Variants in PXDNL observed in about 807,000 individuals in gnomAD.
PXDNL encodes peroxidasin like, also known as probable oxidoreductase PXDNL.
In PXDNL, 145 loss-of-function variants were observed where a neutral mutation model predicts 150.8. The ratio of observed to expected loss-of-function variants is 0.96; its 90% CI spans 0.84 to 1.10. PXDNL has a LOEUF of 1.10. Ranked by LOEUF, PXDNL falls within the 50% of genes least tolerant of loss-of-function variation. The pLI, the probability that PXDNL is intolerant of heterozygous loss-of-function variation, is 0.00. For missense variants in PXDNL, 2,087 were observed against 1,873.9 expected, an observed-to-expected ratio of 1.11 and a Z score of -2.10; for synonymous variants, 757 against 725.7, an observed-to-expected ratio of 1.04 and a Z score of -0.69.
chr8:51,529,453 G>A (rs1811842317), intron 4 of PXDNL, among the ~76,000 whole-genome samples: 1 of 152,136 alleles, frequency 6.6e-6, no homozygotes, highest in East Asian at 1.9e-4. Flanking sequence ...TGCTTGTTGG[G>A]CTCTGGGAAG....
intron 1 of PXDNL, among the ~76,000 whole-genome samples, chr8:51,695,971 G>A (rs935567812): frequency 2.6e-5 from 4 of 152,168 alleles, no homozygotes; most frequent in Non-Finnish European, 4.4e-5. Flanking sequence ...ACATTTAGAG[G>A]TGAATAAAAT....
chr8:51,473,274 AACACACACACACACACACAC>A (rs1164131411), intron 7 of PXDNL, among the ~76,000 whole-genome samples: 1 of 133,940 alleles, frequency 7.5e-6, no homozygotes, highest in Non-Finnish European at 1.6e-5. Context: ...GTAGAAAATA[AACACACACACACACACACAC>A]ACACACACAC....
intron 4 of PXDNL, among the ~76,000 whole-genome samples, chr8:51,556,355 G>A (rs1812600223): frequency 6.6e-6 from 1 of 152,104 alleles, no homozygotes; most frequent in African/African-American, 2.4e-5. Flanking sequence ...TTTATTATCT[G>A]TAAAATGAGA....
intron 11 of PXDNL, among the ~76,000 whole-genome samples, 186 bp downstream of exon 11, chr8:51,448,816 C>T (rs1316756160): frequency 6.6e-6 from 1 of 152,132 alleles, no homozygotes; most frequent in African/African-American, 2.4e-5. Context: ...GCCACACACT[C>T]AAATGCCAAA....
intron 2 of PXDNL, among the ~76,000 whole-genome samples, chr8:51,613,209 A>AAT (rs551266682): frequency 9.2e-5 from 14 of 151,774 alleles, no homozygotes; most frequent in Admixed American, 7.9e-4. Flanking sequence ...CACCAAAAAA[A>AAT]ATATATATAT....
intron 17 of PXDNL, among the ~76,000 whole-genome samples, chr8:51,375,060 G>C (rs1210992884): frequency 1.3e-5 from 2 of 152,120 alleles, no homozygotes; most frequent in African/African-American, 2.4e-5. Flanking sequence ...TGTGTGTTAT[G>C]TCATGTATAA....
At chr8:51,340,681 A>G (rs2130682325) in intron 20 of PXDNL, among the ~76,000 whole-genome samples, 1 of 152,344 alleles carries the variant, frequency 6.6e-6, no homozygotes, top group African/African-American at 2.4e-5. Context: ...AATTTAAAAA[A>G]GGGAAACAAA....
At chr8:51,616,786 T>C (rs895120302) in intron 2 of PXDNL, among the ~76,000 whole-genome samples, 1 of 152,184 alleles carries the variant, frequency 6.6e-6, no homozygotes, top group Non-Finnish European at 1.5e-5. Context: ...GGATTTTTTT[T>C]CCAAATATTT....
chr8:51,780,581 T>C (rs5003717), intron 1 of PXDNL, among the ~76,000 whole-genome samples: 103,734 of 151,190 alleles, frequency 0.69, 42,101 homozygotes, highest in Non-Finnish European at 0.9. Flanking sequence ...AAACGCATCT[T>C]ACAGTGTCTT....
chr8:51,769,366 T>G (rs752111036), intron 1 of PXDNL, among the ~76,000 whole-genome samples: 2 of 152,216 alleles, frequency 1.3e-5, no homozygotes, highest in Non-Finnish European at 2.9e-5. Flanking sequence ...TGGAAAAGCT[T>G]GAAGAATTCA....
rs533962228 is a variant in PXDNL, at chr8:51,408,789, C to T, written c.2835G>A (p.Ala945=). Residue 945 remains alanine (A), a synonymous_variant, in exon 17 of 23, where the codon GCG becomes GCA. Transcript: ENST00000356297. ...AACAGGGGCTCTCCTGCTCCTGTCGCGCGCACTCGGTGGGTGGGCCTGTAG... is the reference window on the plus strand; with the variant it reads ...AACAGGGGCTCTCCTGCTCCTGTCGTGCGCACTCGGTGGGTGGGCCTGTAG... ...PFSTGPPTEC[A]RQEQESPCFL... The T allele has an allele frequency of 3.8e-6, 6 of 1,573,304 alleles. No individual in the cohort carries two copies. The African/African-American group carries it at 6.8e-5, about 18-fold the overall frequency.
At chr8:51,476,895 T>A (rs1228974665) in intron 6 of PXDNL, among the ~76,000 whole-genome samples, 1 of 152,186 alleles carries the variant, frequency 6.6e-6, no homozygotes. Flanking sequence ...TTAATAACTT[T>A]TAATCAAAAT....
chr8:51,622,315 G>C (rs139952680), intron 2 of PXDNL, among the ~76,000 whole-genome samples: 64 of 152,318 alleles, frequency 4.2e-4, no homozygotes, highest in African/African-American at 1.5e-3. Context: ...CAGACTCCAT[G>C]ATGAGAGTTG....
intron 7 of PXDNL, among the ~76,000 whole-genome samples, chr8:51,473,551 A>G (rs931474234): frequency 6.6e-6 from 1 of 152,102 alleles, no homozygotes; most frequent in African/African-American, 2.4e-5. Context: ...AAGGCTTAAG[A>G]ACTTCCAAGA....
intron 2 of PXDNL, among the ~76,000 whole-genome samples, chr8:51,637,085 C>A (rs1383534671): frequency 6.6e-6 from 1 of 152,166 alleles, no homozygotes; most frequent in African/African-American, 2.4e-5. Context: ...CAAACAGGGT[C>A]TGGAGTGGAC....
chr8:51,407,956 A>G (rs1326999388), intron 17 of PXDNL, 111 bp downstream of exon 17: 2 of 858,458 alleles, frequency 2.3e-6, no homozygotes, highest in African/African-American at 1.7e-5. Context: ...AACAAGTACT[A>G]AAAGCTCTGC....
chr8:51,462,206 T>C (rs1050318718), intron 8 of PXDNL, among the ~76,000 whole-genome samples: 1 of 151,962 alleles, frequency 6.6e-6, no homozygotes, highest in Non-Finnish European at 1.5e-5. Flanking sequence ...CTCAAATGAG[T>C]AAGAATCAGT....
chr8:51,645,264 G>C (rs1406684041), intron 2 of PXDNL, among the ~76,000 whole-genome samples: 1 of 152,048 alleles, frequency 6.6e-6, no homozygotes, highest in Non-Finnish European at 1.5e-5. Context: ...ACCCACACTA[G>C]GGACAGCCAT....
At chr8:51,718,270 G>T (rs758476888) in intron 1 of PXDNL, among the ~76,000 whole-genome samples, 1 of 152,086 alleles carries the variant, frequency 6.6e-6, no homozygotes, top group Non-Finnish European at 1.5e-5. Flanking sequence ...GGGGGCCAGG[G>T]ACTGAGGGGG....
Sources: allele counts gnomAD v4.1 joint callset (sites outside exome capture counted in the v4.1 genomes callset), GRCh38; gene constraint gnomAD v4.1.1; transcripts MANE v1.5; gene names NCBI Gene and HGNC (gene_info 2026-07-23, HGNC 2026-07-21).